Variants in PPP2R2B observed in about 807,000 individuals in gnomAD.
PPP2R2B encodes protein phosphatase 2 regulatory subunit Bbeta.
PPP2R2B carries 5 observed loss-of-function variants against 46.0 expected under a neutral mutation model. The observed-to-expected ratio is 0.11, with a 90% CI of 0.06 to 0.23. PPP2R2B has a LOEUF of 0.23. PPP2R2B is among the 10% of genes least tolerant of loss of function. PPP2R2B has a pLI of 1.00. For synonymous variants in PPP2R2B, 215 were observed against 206.7 expected, an observed-to-expected ratio of 1.04 and a Z score of -0.34; for missense variants, 367 against 575.0, an observed-to-expected ratio of 0.64 and a Z score of 3.70.
At chr5:146,726,403 T>C (rs1360618890) in intron 2 of PPP2R2B, among the ~76,000 whole-genome samples, 1 of 152,130 alleles carries the variant, frequency 6.6e-6, no homozygotes, top group East Asian at 1.9e-4. Context: ...GGGATTCTTT[T>C]GGGATTGTGC....
At chr5:146,990,582 G>T (rs1753652507) in intron 1 of PPP2R2B, among the ~76,000 whole-genome samples, 1 of 151,942 alleles carries the variant, frequency 6.6e-6, no homozygotes, top group South Asian at 2.1e-4. Flanking sequence ...AATAAATTAA[G>T]ACAAATACAA....
chr5:146,981,613 C>T (rs1416255053), intron 1 of PPP2R2B, among the ~76,000 whole-genome samples: 1 of 152,084 alleles, frequency 6.6e-6, no homozygotes, highest in Non-Finnish European at 1.5e-5. Flanking sequence ...CAACTTATCT[C>T]AATAGTAACT....
At chr5:146,902,459 C>A (rs1399214808) in intron 1 of PPP2R2B, among the ~76,000 whole-genome samples, 1 of 152,144 alleles carries the variant, frequency 6.6e-6, no homozygotes, top group South Asian at 2.1e-4. Flanking sequence ...ATTACAACTA[C>A]TTCTAATACA....
At chr5:146,920,184 A>G (rs2151813766) in intron 1 of PPP2R2B, among the ~76,000 whole-genome samples, 1 of 152,354 alleles carries the variant, frequency 6.6e-6, no homozygotes, top group Admixed American at 6.5e-5. Context: ...GTGGCTGGGC[A>G]GAAAAGATGA....
chr5:146,873,895 A>G (rs1761750309), intron 2 of PPP2R2B, among the ~76,000 whole-genome samples: 1 of 152,116 alleles, frequency 6.6e-6, no homozygotes, highest in Non-Finnish European at 1.5e-5. Context: ...CTCCATTCTC[A>G]TTTTTATCAC....
intron 7 of PPP2R2B, among the ~76,000 whole-genome samples, chr5:146,628,290 C>G (rs549919388): frequency 1.4e-4 from 21 of 152,290 alleles, no homozygotes; most frequent in African/African-American, 4.8e-4. Flanking sequence ...CCATTTCCCC[C>G]TCAGCATGAA....
At chr5:146,954,756 A>ATGTATGTG (rs1554079879) in intron 1 of PPP2R2B, among the ~76,000 whole-genome samples, 1 of 146,646 alleles carries the variant, frequency 6.8e-6, no homozygotes, top group South Asian at 2.2e-4. Context: ...ATGTGTATAT[A>ATGTATGTG]TGTGTGTGTG....
rs182993778 is a variant in PPP2R2B at position 146,599,086 on chromosome 5, C to T, written c.960+1205G>A. ...AAATAGGGTTAGTTTATCTCCAGCA[C>T]TTGATCTTTGCTTTCATTATACTCT... On this transcript the variant is annotated intron_variant, in intron 8 of 9. Coordinates refer to ENST00000394411, the MANE Select transcript of PPP2R2B (RefSeq NM_181675.4). Among the ~76,000 whole-genome samples, 16 of 152,300 alleles carry T rather than the reference C, an allele frequency of 1.1e-4. No homozygotes were observed. In the East Asian group the frequency reaches 2.9e-3, roughly 28 times the overall value.
At chr5:146,643,278 C>A (rs766787350) in intron 6 of PPP2R2B, among the ~76,000 whole-genome samples, 7 of 152,018 alleles carry the variant, frequency 4.6e-5, no homozygotes, top group Non-Finnish European at 7.4e-5. Flanking sequence ...AGAATCTATA[C>A]CCTGCCAGTA....
intron 1 of PPP2R2B, among the ~76,000 whole-genome samples, chr5:146,916,782 A>G (rs1763402016): frequency 2.0e-5 from 3 of 152,178 alleles, no homozygotes; most frequent in Non-Finnish European, 4.4e-5. Context: ...GACTTGTAGT[A>G]AGAAAAAAAG....
chr5:147,040,239 A>G (rs571877871), intron 1 of PPP2R2B, among the ~76,000 whole-genome samples: 119 of 152,274 alleles, frequency 7.8e-4, no homozygotes, highest in African/African-American at 2.7e-3. Context: ...CAAATAAATA[A>G]TTATTCAAAT....
intron 1 of PPP2R2B, among the ~76,000 whole-genome samples, chr5:147,009,148 CTA>C (rs1754594896): frequency 1.3e-5 from 2 of 152,116 alleles, no homozygotes; most frequent in Non-Finnish European, 1.5e-5. Flanking sequence ...AAAAACTACA[CTA>C]TTTATAAGCA....
At chr5:146,960,008 T>G (rs756901121) in intron 1 of PPP2R2B, among the ~76,000 whole-genome samples, 8 of 152,192 alleles carry the variant, frequency 5.3e-5, no homozygotes, top group Non-Finnish European at 7.4e-5. Context: ...GGAAATGTCA[T>G]GATCACTTTT....
intron 2 of PPP2R2B, among the ~76,000 whole-genome samples, chr5:146,711,129 T>A (rs1354483611): frequency 1.3e-5 from 2 of 152,248 alleles, no homozygotes; most frequent in Non-Finnish European, 2.9e-5. Flanking sequence ...ATCATTTATA[T>A]GCCTGTTTCA....
chr5:147,011,416 A>G (rs1754727417), intron 1 of PPP2R2B, among the ~76,000 whole-genome samples: 1 of 152,180 alleles, frequency 6.6e-6, no homozygotes, highest in Non-Finnish European at 1.5e-5. Flanking sequence ...CAAATAAACT[A>G]TATATAACTA....
At chr5:146,590,254 C>CCGAGT (rs199943453) in intron 9 of PPP2R2B, 28 bp from the exon 10 acceptor site, 4 of 1,603,818 alleles carry the variant, frequency 2.5e-6, no homozygotes, top group African/African-American at 1.4e-5. Context: ...AAGGCAATGA[C>CCGAGT]ATATCTTCAC....
chr5:146,842,910 T>C (rs559186690), intron 2 of PPP2R2B, among the ~76,000 whole-genome samples: 11 of 152,336 alleles, frequency 7.2e-5, no homozygotes, highest in African/African-American at 2.6e-4. Context: ...TAAAATTGGC[T>C]GGGCGCGGTG....
chr5:146,628,335 T>G (rs1040466798), intron 7 of PPP2R2B, among the ~76,000 whole-genome samples: 1 of 152,210 alleles, frequency 6.6e-6, no homozygotes, highest in African/African-American at 2.4e-5. Flanking sequence ...AAGGCTGCTT[T>G]GGTGTCATCC....
At chr5:146,707,668 T>A in intron 2 of PPP2R2B, 1 of 563,214 alleles carries the variant, frequency 1.8e-6, no homozygotes, top group South Asian at 2.3e-5. Flanking sequence ...AGAAGCTGCT[T>A]CTTGGTAGAA....
Sources: allele counts gnomAD v4.1 joint callset (sites outside exome capture counted in the v4.1 genomes callset), GRCh38; gene constraint gnomAD v4.1.1; transcripts MANE v1.5; gene names NCBI Gene and HGNC (gene_info 2026-07-23, HGNC 2026-07-21).